The following XRCC2 variants were observed in gnomAD, a reference collection of about 807,000 sequenced individuals.
XRCC2 encodes X-ray repair cross complementing 2.
XRCC2 carries 24 observed loss-of-function variants against 27.3 expected under a neutral mutation model. The observed-to-expected ratio is 0.88, with a 90% CI of 0.64 to 1.24. The LOEUF is 1.24. XRCC2 is among the 50% of genes most tolerant of loss of function. The probability of loss-of-function intolerance (pLI) is 0.00; values close to 1 mark genes in which losing one functional copy is unlikely to be tolerated. For missense variants in XRCC2, 321 were observed against 325.8 expected, an observed-to-expected ratio of 0.99 and a Z score of 0.11; for synonymous variants, 106 against 115.4, an observed-to-expected ratio of 0.92 and a Z score of 0.52.
Position 152,646,305 on chromosome 7 carries a change from TGTGTGTG to T in XRCC2, c.*2330_*2336del, listed in dbSNP as rs1162668933. 1.5e-4 allele frequency: 1 copy of T among 6,812 alleles called. No individual in the cohort carries two copies. Among genetic ancestry groups the T allele is most frequent in the Non-Finnish European group, 1.1e-3 (1 of 878 alleles). 0.4% of individuals were successfully genotyped at this position (6,812 alleles called of 1,614,324 possible). On this transcript the variant is annotated 3_prime_UTR_variant, in exon 3 of 3. Coordinates refer to ENST00000359321, the MANE Select transcript of XRCC2 (RefSeq NM_005431.2). Reference sequence around the variant, plus strand: ...CGTATTCTAAGTCTGTGAGAGGGTGTGTGTGTGTGTGTGTGTGTGTGTTGTTCCCTTC... The same window carrying T: ...CGTATTCTAAGTCTGTGAGAGGGTGTTGTGTGTGTGTGTGTTGTTCCCTTC...
intron 1 of XRCC2, among the ~76,000 whole-genome samples, chr7:152,662,565 ATTTTTTTTT>A (rs11323323): frequency 7.4e-5 from 5 of 67,770 alleles, no homozygotes; most frequent in South Asian, 1.3e-3. Flanking sequence ...TTTTATTTGC[ATTTTTTTTT>A]TTTTTTTTTT....
At chr7:152,651,684 T>C (rs1290760546) in intron 2 of XRCC2, among the ~76,000 whole-genome samples, 1 of 151,910 alleles carries the variant, frequency 6.6e-6, no homozygotes, top group African/African-American at 2.4e-5. Flanking sequence ...TGGCTAATTT[T>C]TGTATTTCTT....
chr7:152,660,900 G>T, intron 1 of XRCC2, 118 bp from the exon 2 acceptor site: 1 of 830,532 alleles, frequency 1.2e-6, no homozygotes, highest in South Asian at 1.8e-5. Flanking sequence ...TGGGTGCTGT[G>T]GCTCACACCT....
chr7:152,663,373 A>AAAAAAAAAT (rs71182011), intron 1 of XRCC2, among the ~76,000 whole-genome samples: 5 of 143,734 alleles, frequency 3.5e-5, no homozygotes, highest in East Asian at 2.0e-4. Flanking sequence ...AAAAAAAAAA[A>AAAAAAAAAT]GACTGCTTTT....
At chr7:152,670,463 T>TCTAAA (rs1246056237) in intron 1 of XRCC2, among the ~76,000 whole-genome samples, 9 of 152,194 alleles carry the variant, frequency 5.9e-5, no homozygotes, top group African/African-American at 2.2e-4. Flanking sequence ...GAAGTTCAGG[T>TCTAAA]TTGGATAATT....
At chr7:152,650,257 C>T (rs3218528) in intron 2 of XRCC2, among the ~76,000 whole-genome samples, 1,588 of 152,346 alleles carry the variant, frequency 0.01, 25 homozygotes, top group African/African-American at 0.036. Context: ...CAACCTTACA[C>T]GTTCCCAAAC....
chr7:152,675,631 A>C (rs1297703613), intron 1 of XRCC2, among the ~76,000 whole-genome samples: 1 of 152,182 alleles, frequency 6.6e-6, no homozygotes, highest in Non-Finnish European at 1.5e-5. Context: ...GAAAAGCTCC[A>C]AATGCTCCAA....
intron 2 of XRCC2, among the ~76,000 whole-genome samples, chr7:152,657,850 T>A (rs1200041129): frequency 2.6e-5 from 4 of 151,852 alleles, no homozygotes; most frequent in Non-Finnish European, 5.9e-5. Context: ...AAATGGTACA[T>A]TAGAAAATAT....
intron 1 of XRCC2, among the ~76,000 whole-genome samples, chr7:152,673,430 G>A (rs2098038942): frequency 6.6e-6 from 1 of 151,954 alleles, no homozygotes; most frequent in Non-Finnish European, 1.5e-5. Context: ...CTCCCAAAGT[G>A]TTGGGATTAC....
chr7:152,650,886 C>CA (rs2098028230), intron 2 of XRCC2, among the ~76,000 whole-genome samples: 1 of 151,768 alleles, frequency 6.6e-6, no homozygotes, highest in African/African-American at 2.4e-5. Flanking sequence ...AACTCCGTCT[C>CA]AAAAAACAAA....
At position 152,648,541 on chromosome 7, in the gene XRCC2, G is replaced by A. The variant is rs111585543; in HGVS notation, c.*101C>T. ...TTCAAGGCTGCAGTGAGCCATGATT[G>A]TGCCACTGCACTCCAGCCTGGGAGA... On this transcript the variant is annotated 3_prime_UTR_variant, in exon 3 of 3. Transcript: ENST00000359321. 1 of 1,290,108 alleles carries A rather than the reference G, an allele frequency of 7.8e-7. No individual in the cohort carries two copies. Among genetic ancestry groups the A allele is most frequent in the Non-Finnish European group, 1.0e-6 (1 of 959,552 alleles). 79.9% of individuals were successfully genotyped at this position (1,290,108 alleles called of 1,614,324 possible). A position where few individuals can be genotyped will look rare whatever the true frequency, so the allele number is the denominator to read the frequency against.
intron 2 of XRCC2, among the ~76,000 whole-genome samples, chr7:152,653,791 C>T (rs543618336): frequency 5.0e-4 from 76 of 152,216 alleles, no homozygotes; most frequent in African/African-American, 1.8e-3. Flanking sequence ...TCACATAATT[C>T]ACATTGAGTA....
At position 152,647,712 on chromosome 7, in the gene XRCC2, G is replaced by A. The variant is rs2116985930; in HGVS notation, c.*930C>T. On this transcript the variant is annotated 3_prime_UTR_variant, in exon 3 of 3. Transcript: ENST00000359321. ...ATCGAAGATCAAAAAAATTATAGGT[G>A]TGTGGTCTCATTTCTAAATTCTCTA... 1 of 152,252 alleles carries A rather than the reference G, an allele frequency of 6.6e-6. No individual in the cohort carries two copies. The highest frequency in any genetic ancestry group is 6.5e-5 in the Admixed American group (1 of 15,286). 9.4% of individuals were successfully genotyped at this position (152,252 alleles called of 1,614,324 possible).
chr7:152,657,394 G>C (rs924331422), intron 2 of XRCC2, among the ~76,000 whole-genome samples: 32 of 151,872 alleles, frequency 2.1e-4, no homozygotes, highest in African/African-American at 7.5e-4. Flanking sequence ...CTGCCTCCCA[G>C]GTCCAAGCAA....
At chr7:152,667,623 G>C (rs1410454189) in intron 1 of XRCC2, among the ~76,000 whole-genome samples, 2 of 151,192 alleles carry the variant, frequency 1.3e-5, no homozygotes, top group African/African-American at 2.4e-5. Context: ...TCAAAGCAGA[G>C]TATACTGAAT....
chr7:152,676,013 C>T, intron 1 of XRCC2, 28 bp downstream of exon 1: 1 of 1,613,496 alleles, frequency 6.2e-7, no homozygotes, highest in South Asian at 1.1e-5. Flanking sequence ...GTTCCCATCT[C>T]CCTCACTCCC....
chr7:152,656,946 G>T (rs931462754), intron 2 of XRCC2, among the ~76,000 whole-genome samples: 14 of 152,026 alleles, frequency 9.2e-5, no homozygotes, highest in African/African-American at 3.4e-4. Context: ...AAATATAAAA[G>T]ACAGTACAGG....
At position 152,649,263 on chromosome 7, in the gene XRCC2, C is replaced by CA. The variant is rs1308488337; in HGVS notation, c.221dup (p.Glu75GlyfsTer8). 6.2e-7 allele frequency: 1 copy of CA among 1,613,778 alleles called. No homozygotes were observed. The highest frequency in any genetic ancestry group is 1.7e-5 in the Admixed American group (1 of 60,004). On this transcript the variant is annotated frameshift_variant, in exon 3 of 3. Coordinates refer to ENST00000359321, the MANE Select transcript of XRCC2 (RefSeq NM_005431.2). LOFTEE classifies it high-confidence loss of function. ...TATCAATAAATAAGACTTCTACTTC[C>CA]AGGCCACCTTCTGATTTGGGAAGTA...
chr7:152,668,027 CAAA>C (rs59503175), intron 1 of XRCC2, among the ~76,000 whole-genome samples: 2 of 105,632 alleles, frequency 1.9e-5, no homozygotes, highest in Non-Finnish European at 2.0e-5. Flanking sequence ...GACTCCATCT[CAAA>C]AAAAAAAAAA....
Sources: allele counts gnomAD v4.1 joint callset (sites outside exome capture counted in the v4.1 genomes callset), GRCh38; gene constraint gnomAD v4.1.1; transcripts MANE v1.5; gene names NCBI Gene and HGNC (gene_info 2026-07-23, HGNC 2026-07-21).